The following CPT1A variants were observed in gnomAD, a reference collection of about 807,000 sequenced individuals.
The protein encoded by CPT1A is carnitine O-palmitoyltransferase 1, liver isoform.
In CPT1A, 64 loss-of-function variants were observed where a neutral mutation model predicts 100.8. The observed-to-expected ratio is 0.63, with a 90% CI of 0.52 to 0.78. The LOEUF is 0.78. Ranked by LOEUF, CPT1A falls within the 30% of genes least tolerant of loss-of-function variation. CPT1A has a pLI of 0.00. For synonymous variants in CPT1A, 363 were observed against 396.0 expected, an observed-to-expected ratio of 0.92 and a Z score of 0.99; for missense variants, 802 against 1,034.1, an observed-to-expected ratio of 0.78 and a Z score of 3.08.
intron 18 of CPT1A, among the ~76,000 whole-genome samples, chr11:68,758,792 A>G (rs1946744238): frequency 6.6e-6 from 1 of 151,714 alleles, no homozygotes; most frequent in African/African-American, 2.4e-5. Flanking sequence ...TAAGTTTTGT[A>G]TTTTTAGTAG....
At chr11:68,784,773 C>G (rs748105385) in intron 10 of CPT1A, 42 bp downstream of exon 10, 27 of 1,587,300 alleles carry the variant, frequency 1.7e-5, no homozygotes, top group Non-Finnish European at 8.6e-6. Flanking sequence ...AAGAGCGCCT[C>G]CACCACCCCC....
chr11:68,838,588 A>AAAAAAAAAAAAAAAC (rs1857078988), intron 1 of CPT1A, among the ~76,000 whole-genome samples: 2 of 149,102 alleles, frequency 1.3e-5, no homozygotes, highest in Non-Finnish European at 3.0e-5. Flanking sequence ...AAAAAAAAAA[A>AAAAAAAAAAAAAAAC]AAACAGAGAC....
intron 8 of CPT1A, among the ~76,000 whole-genome samples, chr11:68,793,880 G>A (rs931417911): frequency 2.0e-5 from 3 of 152,120 alleles, no homozygotes; most frequent in African/African-American, 4.8e-5. Flanking sequence ...GGAATGATTC[G>A]TTGGGGGACT....
In CPT1A at chr11:68,807,226, C is replaced by T. The variant is rs898745317; in HGVS notation, c.453+241G>A. 1.3e-5 allele frequency among the ~76,000 whole-genome samples: 2 copies of T among 152,042 alleles called. 1 individual carries two copies. Among genetic ancestry groups the T allele is most frequent in the African/African-American group, 4.8e-5 (2 of 41,404 alleles). On this transcript the variant is annotated intron_variant, in intron 4 of 18. Coordinates refer to ENST00000265641, the MANE Select transcript of CPT1A (RefSeq NM_001876.4). Reference sequence around the variant, plus strand: ...TTGATGAATGACCTGAACTACAAACCGAGCAGACCTCAATATAAAATGCTG... The same window carrying T: ...TTGATGAATGACCTGAACTACAAACTGAGCAGACCTCAATATAAAATGCTG...
intron 12 of CPT1A, among the ~76,000 whole-genome samples, chr11:68,776,937 T>C (rs1855157052): frequency 6.6e-6 from 1 of 152,180 alleles, no homozygotes; most frequent in Non-Finnish European, 1.5e-5. Context: ...GCTTACATTC[T>C]AGTGAGGGAG....
chr11:68,832,823 T>C (rs1490595211), intron 1 of CPT1A, among the ~76,000 whole-genome samples: 1 of 152,152 alleles, frequency 6.6e-6, no homozygotes. Flanking sequence ...TCTGAGAAAA[T>C]GTTACCCATG....
Position 68,841,807 on chromosome 11 carries a change from GGCA to G in CPT1A, c.-49_-47del, listed in dbSNP as rs903806235. The G allele has an allele frequency of 4.0e-6, 4 of 996,690 alleles. No homozygotes were observed. The highest frequency in any genetic ancestry group is 4.4e-5 in the South Asian group (1 of 22,550). 61.7% of individuals were successfully genotyped at this position (996,690 alleles called of 1,614,324 possible). ...GCTACGGAGGTGCGGCAGCGGCAGCGGCAGCGGCGGCGGCGGCGGCGGCGGTGG... is the reference window on the plus strand; with the variant it reads ...GCTACGGAGGTGCGGCAGCGGCAGCGGCGGCGGCGGCGGCGGCGGCGGTGG... On this transcript the variant is annotated 5_prime_UTR_variant, in exon 1 of 19. Transcript: ENST00000265641. This position sits in a 1 kb window ranked among gnomAD's most constrained non-coding sequence, Gnocchi z 6.3.
At chr11:68,769,475 T>G (rs2153996264) in intron 14 of CPT1A, among the ~76,000 whole-genome samples, 1 of 149,514 alleles carries the variant, frequency 6.7e-6, no homozygotes, top group Non-Finnish European at 1.5e-5. Context: ...GGTCTCAAAC[T>G]CCTGGACTCA....
At chr11:68,828,933 G>A (rs1447539881) in intron 1 of CPT1A, among the ~76,000 whole-genome samples, 1 of 152,128 alleles carries the variant, frequency 6.6e-6, no homozygotes, top group Non-Finnish European at 1.5e-5. Context: ...ACTAGTAGGT[G>A]GCTCCCCCTG....
At chr11:68,843,224 C>A (rs560135783), upstream of CPT1A, among the ~76,000 whole-genome samples, 6 of 152,060 alleles carry the variant, frequency 3.9e-5, no homozygotes, top group East Asian at 9.7e-4. This position sits in a 1 kb window ranked among gnomAD's most constrained non-coding sequence, Gnocchi z 4.0. Flanking sequence ...GTTTTGTTTT[C>A]ACTTGGCTTA....
intron 2 of CPT1A, among the ~76,000 whole-genome samples, chr11:68,813,169 C>A (rs757637615): frequency 6.6e-6 from 1 of 151,848 alleles, no homozygotes; most frequent in Non-Finnish European, 1.5e-5. Context: ...TTGACAACTC[C>A]AATTAAAAAA....
At chr11:68,778,326 A>AG (rs1566352602) in intron 12 of CPT1A, among the ~76,000 whole-genome samples, 1 of 152,148 alleles carries the variant, frequency 6.6e-6, no homozygotes, top group South Asian at 2.1e-4. Flanking sequence ...AGGGGAAGCC[A>AG]GGGGGAAAAG....
chr11:68,817,153 CTGTG>C lies in CPT1A; in HGVS notation c.-13-1670_-13-1667del, dbSNP rs148396344. ...TGTGGTTGTGTGGGGGTGTGTGTGT[CTGTG>C]TGTGTGTGTGTGGTGTGTGTGTGTG... On this transcript the variant is annotated intron_variant, in intron 1 of 18. Coordinates refer to ENST00000265641, the MANE Select transcript of CPT1A (RefSeq NM_001876.4). Among the ~76,000 whole-genome samples the C allele has an allele frequency of 1.0e-3, 94 of 93,470 alleles. No homozygotes were observed. The East Asian group carries it at 0.025, about 25-fold the overall frequency. 61.3% of individuals were successfully genotyped at this position (93,470 alleles called of 152,430 possible).
chr11:68,773,314 G>T lies in CPT1A; in HGVS notation c.1691C>A (p.Thr564Lys), dbSNP rs117607023. Residue 564 changes from threonine to lysine, a missense_variant, in exon 14 of 19, where the codon ACG becomes AAG. Thr to Lys is a moderately conservative substitution (Grantham distance 78). This residue lies in a region of CPT1A where 627 missense variants were observed against 799.3 expected (regional missense o/e 0.78). Transcript: ENST00000265641. The stretch of plus-strand genomic sequence containing the variant: ...CAGCTGCACAAAGGCGTCTGGGCTC[G>T]TGCGACATTTCTTGATGATTCCTTT... ...FGKGIIKKCR[T>K]SPDAFVQLAL... The T allele has an allele frequency of 6.2e-7, 1 of 1,614,202 alleles. No homozygotes were observed. The highest frequency in any genetic ancestry group is 8.5e-7 in the Non-Finnish European group (1 of 1,180,034).
At position 68,841,883 on chromosome 11, in the gene CPT1A, G is replaced by GGCCGAGCGCACCCGAC; in HGVS notation, c.-138_-123dup. On this transcript the variant is annotated 5_prime_UTR_variant, in exon 1 of 19. Transcript: ENST00000265641. This position sits in a 1 kb window ranked among gnomAD's most constrained non-coding sequence, Gnocchi z 6.3. ...GCCGGGGAAGGAGGGCCGCGGGCGA[G>GGCCGAGCGCACCCGAC]GCCGAGCGCACCCGACGCCGGCAGC... 1 of 986,644 alleles carries GGCCGAGCGCACCCGAC rather than the reference G, an allele frequency of 1.0e-6. No individual in the cohort carries two copies. Among genetic ancestry groups the GGCCGAGCGCACCCGAC allele is most frequent in the Non-Finnish European group, 1.2e-6 (1 of 831,134 alleles). The allele number at this position is 986,644 out of a possible 1,614,324, so 61.1% of individuals were successfully genotyped here.
rs996371611 is a variant in CPT1A at position 68,796,843 on chromosome 11, C to A, written c.771+13G>T. 2 of 1,613,184 alleles carry A rather than the reference C, an allele frequency of 1.2e-6. No individual in the cohort carries two copies. The highest frequency in any genetic ancestry group is 1.7e-5 in the Admixed American group (1 of 59,934). On this transcript the variant is annotated intron_variant, in intron 7 of 18. Coordinates refer to ENST00000265641, the MANE Select transcript of CPT1A (RefSeq NM_001876.4). ...CGTCCTCGTCAGACAGCAGCCCGGG[C>A]GGGTGGACTCACCATGGCATAATAG... is the stretch of plus-strand genomic sequence containing the variant.
At chr11:68,786,545 T>A (rs956747860) in intron 9 of CPT1A, among the ~76,000 whole-genome samples, 1 of 152,242 alleles carries the variant, frequency 6.6e-6, no homozygotes, top group Non-Finnish European at 1.5e-5. Context: ...TCATGTTTTT[T>A]TTGAGACGGA....
In CPT1A at chr11:68,793,398, C is replaced by T. The variant is rs756644326; in HGVS notation, c.884G>A (p.Arg295His). Residue 295 changes from arginine to histidine, a missense_variant, in exon 9 of 19, where the codon CGT (arginine) becomes CAT (histidine). Around this residue, in one of 4 missense-constraint regions of CPT1A, gnomAD observed 627 missense variants for 799.3 expected, o/e 0.78. Coordinates refer to ENST00000265641, the MANE Select transcript of CPT1A (RefSeq NM_001876.4). Reference sequence around the variant, plus strand: ...GAGTGGAATCGTGGATCCCAAAAGACGAATCTGTAACAAAAATATATTTCA... The same window carrying T: ...GAGTGGAATCGTGGATCCCAAAAGATGAATCTGTAACAAAAATATATTTCA... ...KLDREEIKPI[R>H]LLGSTIPLCS... 35 of 1,608,884 alleles carry T rather than the reference C, an allele frequency of 2.2e-5. No homozygotes were observed. Among genetic ancestry groups the T allele is most frequent in the South Asian group, 3.3e-5 (3 of 90,326 alleles).
chr11:68,805,248 C>T (rs951941419), intron 4 of CPT1A, among the ~76,000 whole-genome samples: 5 of 151,978 alleles, frequency 3.3e-5, no homozygotes, highest in African/African-American at 1.2e-4. Flanking sequence ...CCCAGGAGCT[C>T]GAGACCACCT....
Sources: gnomAD v4.1 joint callset for allele counts (sites outside exome capture counted in the v4.1 genomes callset) on GRCh38, gnomAD v4.1.1 for gene constraint, gnomAD v4.1.1 regional missense constraint, Gnocchi (gnomAD v3.1) non-coding constraint, MANE v1.5 for transcripts, NCBI Gene and HGNC (gene_info 2026-07-23, HGNC 2026-07-21) for gene names.